Variants in UHRF2 observed in about 807,000 individuals in gnomAD.
UHRF2 encodes ubiquitin like with PHD and ring finger domains 2, also known as E3 ubiquitin-protein ligase UHRF2.
UHRF2 carries 23 observed loss-of-function variants against 96.8 expected under a neutral mutation model. The ratio of observed to expected loss-of-function variants is 0.24; its 90% CI spans 0.17 to 0.34. The LOEUF (loss-of-function observed/expected upper bound fraction) is 0.34. Among genes scored for constraint, UHRF2 ranks in the 10% least tolerant of loss-of-function variants. The probability of loss-of-function intolerance (pLI) is 1.00; values close to 1 mark genes in which losing one functional copy is unlikely to be tolerated. For synonymous variants in UHRF2, 385 were observed against 332.6 expected, an observed-to-expected ratio of 1.16 and a Z score of -1.72; for missense variants, 685 against 981.5, an observed-to-expected ratio of 0.70 and a Z score of 4.04.
chr9:6,434,281 G>C (rs1408155565), intron 3 of UHRF2, 108 bp downstream of exon 3: 2 of 1,335,688 alleles, frequency 1.5e-6, no homozygotes, highest in Admixed American at 5.6e-5. Flanking sequence ...ATCCTTTAGA[G>C]GTTATGTTCA....
At chr9:6,433,365 A>C (rs1410370640) in intron 2 of UHRF2, among the ~76,000 whole-genome samples, 1 of 152,172 alleles carries the variant, frequency 6.6e-6, no homozygotes, top group East Asian at 1.9e-4. Flanking sequence ...GTATTTGCCT[A>C]GTGAGTTACT....
intron 5 of UHRF2, among the ~76,000 whole-genome samples, chr9:6,476,884 C>T (rs771396475): frequency 6.6e-6 from 1 of 152,176 alleles, no homozygotes; most frequent in Non-Finnish European, 1.5e-5. Context: ...TGAGCCACCA[C>T]GCCCGGCCTC....
chr9:6,506,905 G>A lies in UHRF2; in HGVS notation c.*726G>A, dbSNP rs919778667. 2 of 152,634 alleles carry A rather than the reference G, an allele frequency of 1.3e-5. No homozygotes were observed. Among genetic ancestry groups the A allele is most frequent in the Non-Finnish European group, 2.9e-5 (2 of 68,040 alleles). The allele number at this position is 152,634 out of a possible 1,614,324, so 9.5% of individuals were successfully genotyped here. On this transcript the variant is annotated 3_prime_UTR_variant, in exon 16 of 16. Transcript: ENST00000276893. ...TTCTCTACTAGTCGAACTGCTTTTA[G>A]TGTCTCACCAGTGGTTTTACATCTG... is the stretch of plus-strand genomic sequence containing the variant.
chr9:6,477,187 T>G (rs956686896), intron 5 of UHRF2, among the ~76,000 whole-genome samples: 2 of 146,230 alleles, frequency 1.4e-5, no homozygotes, highest in Non-Finnish European at 3.0e-5. Context: ...GAGCTAAGAT[T>G]GGCACCATTG....
At chr9:6,428,552 T>C (rs1356225829) in intron 2 of UHRF2, among the ~76,000 whole-genome samples, 1 of 118,140 alleles carries the variant, frequency 8.5e-6, no homozygotes, top group Admixed American at 8.8e-5. Context: ...TTTTTTTTTT[T>C]TTTTTTTTTT....
chr9:6,416,859 T>A (rs1481002218), intron 1 of UHRF2, among the ~76,000 whole-genome samples: 2 of 152,134 alleles, frequency 1.3e-5, no homozygotes, highest in Non-Finnish European at 2.9e-5. Flanking sequence ...CTTTTCCTAT[T>A]TTAAAGGATT....
chr9:6,440,015 A>C (rs957488201), intron 3 of UHRF2, among the ~76,000 whole-genome samples: 1 of 152,208 alleles, frequency 6.6e-6, no homozygotes, highest in Non-Finnish European at 1.5e-5. Context: ...TCAGTTGTAT[A>C]TCTTCCTCAA....
chr9:6,435,852 A>G lies in UHRF2; in HGVS notation c.644+1679A>G, dbSNP rs374528074. On this transcript the variant is annotated intron_variant, in intron 3 of 15. Coordinates refer to ENST00000276893, the MANE Select transcript of UHRF2 (RefSeq NM_152896.3). ...TCGAACTCCTGACCTCAAGTGATCCACCCACCTTGGCCTCCCAAAATGCTG... is the reference window on the plus strand; with the variant it reads ...TCGAACTCCTGACCTCAAGTGATCCGCCCACCTTGGCCTCCCAAAATGCTG... Among the ~76,000 whole-genome samples the G allele has an allele frequency of 1.2e-4, 18 of 151,904 alleles. No individual in the cohort carries two copies. The East Asian group carries it at 3.1e-3, about 26-fold the overall frequency.
At chr9:6,427,766 C>A (rs1393315872) in intron 2 of UHRF2, among the ~76,000 whole-genome samples, 1 of 152,144 alleles carries the variant, frequency 6.6e-6, no homozygotes, top group African/African-American at 2.4e-5. Context: ...CAATATTTAA[C>A]CAGTTTCAGA....
intron 4 of UHRF2, among the ~76,000 whole-genome samples, chr9:6,473,383 A>G (rs1050775824): frequency 7.2e-5 from 11 of 152,228 alleles, no homozygotes; most frequent in African/African-American, 2.4e-4. Flanking sequence ...TATATGAGCT[A>G]TACTACTGGG....
intron 2 of UHRF2, among the ~76,000 whole-genome samples, chr9:6,426,040 TTATG>T (rs1451619849): frequency 6.6e-6 from 1 of 152,208 alleles, no homozygotes; most frequent in African/African-American, 2.4e-5. Flanking sequence ...GAGGGCCAGT[TTATG>T]TATCTGCACA....
rs1816587011 is a variant in UHRF2, at chr9:6,506,428, T to A, written c.*249T>A. The A allele has an allele frequency of 1.2e-5, 4 of 324,670 alleles. No individual in the cohort carries two copies. In the East Asian group the frequency reaches 2.2e-4, roughly 18 times the overall value. The allele number at this position is 324,670 out of a possible 1,614,324, so 20.1% of individuals were successfully genotyped here. ...TAAAAAGTCAAAGCCTCAGCTCTAG[T>A]TGATATCCAAGTTATGATTTATTTT... On this transcript the variant is annotated 3_prime_UTR_variant, in exon 16 of 16. Transcript: ENST00000276893.
chr9:6,480,381 A>G (rs1373590431), intron 6 of UHRF2, among the ~76,000 whole-genome samples: 2 of 152,234 alleles, frequency 1.3e-5, no homozygotes, highest in Non-Finnish European at 2.9e-5. Context: ...TATCCCCAGC[A>G]CGAAAATAGT....
chr9:6,486,329 C>G (rs1017164837), intron 8 of UHRF2, among the ~76,000 whole-genome samples: 1 of 152,134 alleles, frequency 6.6e-6, no homozygotes, highest in Non-Finnish European at 1.5e-5. Flanking sequence ...GAGGTAAAAT[C>G]AGCAATCCTT....
chr9:6,460,489 C>T, intron 3 of UHRF2, 84 bp from the exon 4 acceptor site: 3 of 1,167,232 alleles, frequency 2.6e-6, no homozygotes, highest in Non-Finnish European at 3.6e-6. Context: ...ATGATTAACT[C>T]AGCAAATTAG....
chr9:6,426,889 C>T (rs1425102477), intron 2 of UHRF2, among the ~76,000 whole-genome samples: 1 of 152,130 alleles, frequency 6.6e-6, no homozygotes, highest in African/African-American at 2.4e-5. Context: ...GTTGGGATTA[C>T]AGGCACCCGC....
rs1410111969 is a variant in UHRF2 at position 6,434,996 on chromosome 9, C to T, written c.644+823C>T. 1.2e-4 allele frequency among the ~76,000 whole-genome samples: 6 copies of T among 49,680 alleles called. No individual in the cohort carries two copies. The East Asian group carries it at 4.5e-3, about 38-fold the overall frequency. 32.6% of individuals were successfully genotyped at this position (49,680 alleles called of 152,430 possible). ...TAGGCATATGTATTACCATGTTTGG[C>T]TAGTTTTTTTTTTTTTTAATTTTAG... is the stretch of plus-strand genomic sequence containing the variant. On this transcript the variant is annotated intron_variant, in intron 3 of 15. Coordinates refer to ENST00000276893, the MANE Select transcript of UHRF2 (RefSeq NM_152896.3).
chr9:6,447,983 C>T (rs759674278), intron 3 of UHRF2, among the ~76,000 whole-genome samples: 1 of 152,086 alleles, frequency 6.6e-6, no homozygotes, highest in African/African-American at 2.4e-5. Context: ...TTAACCCTAC[C>T]TAGTGTTTAA....
In UHRF2 at chr9:6,487,182, C is replaced by CTTTTTTTTTTTTT. The variant is rs1171978950; in HGVS notation, c.1497+270_1497+282dup. 8.9e-4 allele frequency among the ~76,000 whole-genome samples: 62 copies of CTTTTTTTTTTTTT among 69,586 alleles called. 4 individuals carry two copies. The highest frequency in any genetic ancestry group is 3.0e-3 in the African/African-American group (46 of 15,544). 45.7% of individuals were successfully genotyped at this position (69,586 alleles called of 152,430 possible). A position where few individuals can be genotyped will look rare whatever the true frequency, so the allele number is the denominator to read the frequency against. ...TCTATAGAGCTTTTATTTTTTTTTC[C>CTTTTTTTTTTTTT]TTTTTTTTTTTTTTTTTTTTTTTTT... On this transcript the variant is annotated intron_variant, in intron 9 of 15. Transcript: ENST00000276893.
Sources: allele counts gnomAD v4.1 joint callset (sites outside exome capture counted in the v4.1 genomes callset), GRCh38; gene constraint gnomAD v4.1.1; transcripts MANE v1.5; gene names NCBI Gene and HGNC (gene_info 2026-07-23, HGNC 2026-07-21).